The following TEC variants were observed in gnomAD, a reference collection of about 807,000 sequenced individuals.
TEC encodes tyrosine-protein kinase Tec.
A neutral mutation model predicts 93.0 loss-of-function variants in TEC; 72 were observed. The observed-to-expected ratio is 0.77, with a 90% CI of 0.64 to 0.94. The LOEUF is 0.94. TEC is among the 40% of genes least tolerant of loss of function. TEC has a pLI of 0.00. For missense variants in TEC, 630 were observed against 757.9 expected (o/e 0.83, Z 1.98); for synonymous variants, 249 against 247.7 (o/e 1.01, Z -0.05).
intron 11 of TEC, among the ~76,000 whole-genome samples, chr4:48,147,555 T>C (rs1719967678): frequency 6.6e-6 from 1 of 152,200 alleles, no homozygotes; most frequent in Admixed American, 6.5e-5. Context: ...GTTATATCTA[T>C]AGTTTGTACA....
At chr4:48,163,818 T>TGAAAGAAA (rs10632072) in intron 7 of TEC, 51 bp from the exon 8 acceptor site, 8 of 1,013,984 alleles carry the variant, frequency 7.9e-6, no homozygotes, top group South Asian at 1.6e-5. Flanking sequence ...GGGAGGTTAT[T>TGAAAGAAA]GAAAGAAAGA....
chr4:48,147,143 A>G (rs557624217), intron 11 of TEC, among the ~76,000 whole-genome samples: 17 of 152,328 alleles, frequency 1.1e-4, no homozygotes, highest in African/African-American at 4.1e-4. Context: ...GGAACACGGA[A>G]GAAAAAATTA....
chr4:48,183,824 C>T (rs1721694423), intron 2 of TEC, among the ~76,000 whole-genome samples: 1 of 152,110 alleles, frequency 6.6e-6, no homozygotes, highest in Non-Finnish European at 1.5e-5. Context: ...CTCTAGAGAA[C>T]CCTGATTAAT....
intron 14 of TEC, among the ~76,000 whole-genome samples, chr4:48,144,176 C>T (rs1719804062): frequency 6.6e-6 from 1 of 152,104 alleles, no homozygotes; most frequent in African/African-American, 2.4e-5. Flanking sequence ...GATTGCGCCA[C>T]TGCACTCCAG....
chr4:48,196,282 G>C (rs1034048729), intron 2 of TEC, among the ~76,000 whole-genome samples: 4 of 152,156 alleles, frequency 2.6e-5, no homozygotes, highest in African/African-American at 9.7e-5. Flanking sequence ...CTCTATAATA[G>C]AGCTTACTGC....
intron 14 of TEC, chr4:48,141,620 G>T: frequency 1.3e-5 from 6 of 447,072 alleles, no homozygotes; most frequent in South Asian, 7.0e-5. Context: ...AGGTCAGAAA[G>T]TTGTATTTGC....
chr4:48,249,511 A>AT (rs1481482683), intron 1 of TEC, among the ~76,000 whole-genome samples: 1 of 152,316 alleles, frequency 6.6e-6, no homozygotes, highest in Admixed American at 6.5e-5. Flanking sequence ...CGTTTGTAAA[A>AT]TTTTTTAAAT....
Position 48,138,949 on chromosome 4 carries a change from A to T in TEC, c.1609T>A (p.Phe537Ile). Residue 537 changes from phenylalanine (F) to isoleucine (I), a missense_variant, in exon 16 of 18, where the codon TTT becomes ATT. This residue lies in a region of TEC where 289 missense variants were observed against 390.0 expected (regional missense o/e 0.74). Coordinates refer to ENST00000381501, the MANE Select transcript of TEC (RefSeq NM_003215.3). ...TTGCTGCTGAAGCGGCTGTAATTAA[A>T]CACTTCAGGTGGACACCACTTCACA... ...FPVKWCPPEVFNYSRFSSKSD... is the reference protein window; with the variant it reads ...FPVKWCPPEVINYSRFSSKSD... The T allele has an allele frequency of 6.2e-7, 1 of 1,614,236 alleles. No individual in the cohort carries two copies. The highest frequency in any genetic ancestry group is 1.1e-5 in the South Asian group (1 of 91,090).
intron 1 of TEC, among the ~76,000 whole-genome samples, chr4:48,250,701 C>G (rs1340420050): frequency 6.6e-6 from 1 of 152,126 alleles, no homozygotes. Flanking sequence ...GAGACCATCC[C>G]TATACTAGTT....
At chr4:48,198,410 T>C (rs1004262505) in intron 2 of TEC, among the ~76,000 whole-genome samples, 19 of 152,226 alleles carry the variant, frequency 1.2e-4, no homozygotes, top group Non-Finnish European at 2.6e-4. Flanking sequence ...AAAGGGACAC[T>C]GTAGACATTC....
At chr4:48,170,027 A>T (rs543889162) in intron 5 of TEC, among the ~76,000 whole-genome samples, 118 of 152,300 alleles carry the variant, frequency 7.7e-4, no homozygotes, top group African/African-American at 2.6e-3. Context: ...TTTGAACAAG[A>T]TTCAATATTG....
intron 2 of TEC, among the ~76,000 whole-genome samples, chr4:48,200,188 C>T (rs531280800): frequency 2.7e-5 from 4 of 148,518 alleles, no homozygotes; most frequent in African/African-American, 7.5e-5. Context: ...AGGGGATACA[C>T]GGGTTCTAGA....
chr4:48,146,448 G>T, intron 11 of TEC, 49 bp from the exon 12 acceptor site: 2 of 1,548,610 alleles, frequency 1.3e-6, no homozygotes, highest in Non-Finnish European at 1.8e-6. Context: ...TAATCATTCT[G>T]CTTGGTCACA....
chr4:48,212,454 C>T (rs113788712), intron 2 of TEC, among the ~76,000 whole-genome samples: 2 of 152,240 alleles, frequency 1.3e-5, no homozygotes, highest in African/African-American at 4.8e-5. Context: ...TGGTTCGCCT[C>T]CTCAGATGGG....
intron 1 of TEC, among the ~76,000 whole-genome samples, chr4:48,255,123 T>C (rs1024838250): frequency 2.6e-5 from 4 of 152,206 alleles, no homozygotes; most frequent in Non-Finnish European, 5.9e-5. Flanking sequence ...TTGGCTCACA[T>C]AATCGAGAAG....
chr4:48,182,064 C>G (rs983445272), intron 2 of TEC, among the ~76,000 whole-genome samples: 1 of 152,076 alleles, frequency 6.6e-6, no homozygotes, highest in African/African-American at 2.4e-5. Context: ...AGGCAGATCA[C>G]TTGAGGTCAG....
chr4:48,165,019 G>A (rs1720825443), intron 7 of TEC, among the ~76,000 whole-genome samples: 1 of 151,772 alleles, frequency 6.6e-6, no homozygotes, highest in Non-Finnish European at 1.5e-5. Flanking sequence ...TCAAAAAAAA[G>A]AAAGAAAAAG....
intron 3 of TEC, among the ~76,000 whole-genome samples, chr4:48,173,462 C>G (rs954183046): frequency 6.6e-6 from 1 of 152,032 alleles, no homozygotes; most frequent in Non-Finnish European, 1.5e-5. Context: ...GGGCCAGTAT[C>G]TCCCTGAGCA....
intron 1 of TEC, among the ~76,000 whole-genome samples, chr4:48,265,751 G>C (rs1371894091): frequency 6.6e-6 from 1 of 152,062 alleles, no homozygotes; most frequent in African/African-American, 2.4e-5. Flanking sequence ...GACCTCAGGT[G>C]ATCGGCCTGC....
Sources: allele counts gnomAD v4.1 joint callset (sites outside exome capture counted in the v4.1 genomes callset), GRCh38; gene constraint gnomAD v4.1.1; regional missense constraint gnomAD v4.1.1; transcripts MANE v1.5; gene names NCBI Gene and HGNC (gene_info 2026-07-23, HGNC 2026-07-21).